Variants in TENM3 observed in about 807,000 individuals in gnomAD.
TENM3 encodes teneurin transmembrane protein 3.
A neutral mutation model predicts 255.1 loss-of-function variants in TENM3; 63 were observed. That is an observed-to-expected ratio of 0.25 (90% CI 0.20 to 0.30). The LOEUF (loss-of-function observed/expected upper bound fraction) is 0.30. Ranked by LOEUF, TENM3 falls within the 10% of genes least tolerant of loss-of-function variation. The pLI is 1.00. For synonymous variants in TENM3, 1,306 were observed against 1,322.3 expected, an observed-to-expected ratio of 0.99 and a Z score of 0.27; for missense variants, 2,929 against 3,461.1, an observed-to-expected ratio of 0.85 and a Z score of 3.86.
At chr4:181,923,812 T>A in the TENM3 span, among the ~76,000 whole-genome samples, 3 of 152,156 alleles carry the variant, frequency 2.0e-5, no homozygotes, top group Admixed American at 6.6e-5. Flanking sequence ...TTGTGTCATT[T>A]TAAATAATTT....
the TENM3 span, among the ~76,000 whole-genome samples, chr4:181,870,867 A>G: frequency 2.6e-5 from 4 of 152,214 alleles, no homozygotes; most frequent in Admixed American, 2.6e-4. Context: ...TCTCTAAAAA[A>G]TATTTGCCAA....
At chr4:182,313,460 A>T (rs967844142) in intron 1 of TENM3, among the ~76,000 whole-genome samples, 2 of 152,058 alleles carry the variant, frequency 1.3e-5, no homozygotes, top group African/African-American at 4.8e-5. Flanking sequence ...TGTTCATAAT[A>T]TATTAAGTAA....
chr4:182,003,167 G>A, the TENM3 span, among the ~76,000 whole-genome samples: 10 of 152,202 alleles, frequency 6.6e-5, no homozygotes, highest in East Asian at 1.9e-3. Context: ...TGATGACTAA[G>A]TACCCACATT....
At chr4:181,734,926 A>G in the TENM3 span, among the ~76,000 whole-genome samples, 1 of 152,178 alleles carries the variant, frequency 6.6e-6, no homozygotes, top group Non-Finnish European at 1.5e-5. Flanking sequence ...GGAAATATGG[A>G]ATACTTGTTG....
chr4:182,119,503 G>A, the TENM3 span, among the ~76,000 whole-genome samples: 27 of 151,936 alleles, frequency 1.8e-4, no homozygotes, highest in East Asian at 3.9e-4. Context: ...TCTGCTCCAC[G>A]GATACAGAGA....
the TENM3 span, among the ~76,000 whole-genome samples, chr4:181,688,371 G>A: frequency 6.6e-6 from 1 of 151,984 alleles, no homozygotes; most frequent in Non-Finnish European, 1.5e-5. Flanking sequence ...TTTTTTTATA[G>A]CAATAGTAAC....
chr4:181,728,134 G>A, the TENM3 span, among the ~76,000 whole-genome samples: 1 of 152,148 alleles, frequency 6.6e-6, no homozygotes, highest in South Asian at 2.1e-4. Flanking sequence ...TGAAAAGATG[G>A]TGGTGTTCAA....
chr4:181,703,497 T>G, the TENM3 span, among the ~76,000 whole-genome samples: 1 of 152,340 alleles, frequency 6.6e-6, no homozygotes, highest in Non-Finnish European at 1.5e-5. Flanking sequence ...TTTTTGTCTT[T>G]AACGAGGTGC....
intron 3 of TENM3, among the ~76,000 whole-genome samples, chr4:182,587,380 G>A (rs1302541424): frequency 6.6e-6 from 1 of 152,054 alleles, no homozygotes; most frequent in African/African-American, 2.4e-5. Flanking sequence ...CCAACATGGT[G>A]AAACCCCATC....
intron 1 of TENM3, among the ~76,000 whole-genome samples, chr4:182,187,090 A>G (rs1221315591): frequency 6.6e-6 from 1 of 151,906 alleles, no homozygotes; most frequent in Admixed American, 6.6e-5. Context: ...TATTCAAAGC[A>G]TAAAAAGAAA....
the TENM3 span, among the ~76,000 whole-genome samples, chr4:181,812,295 C>G: frequency 6.6e-6 from 1 of 151,940 alleles, no homozygotes; most frequent in East Asian, 1.9e-4. Context: ...TACCTTAGAG[C>G]ATTTGTTGAG....
the TENM3 span, among the ~76,000 whole-genome samples, chr4:181,499,436 A>G: frequency 0.01 from 1,567 of 152,264 alleles, 5 homozygotes; most frequent in Middle Eastern, 0.02. Context: ...ATTCTTAGCA[A>G]CTCCTTGATA....
At chr4:182,365,233 T>C (rs1028589779) in intron 3 of TENM3, among the ~76,000 whole-genome samples, 1 of 152,224 alleles carries the variant, frequency 6.6e-6, no homozygotes, top group African/African-American at 2.4e-5. Context: ...CTGTCCCTTA[T>C]TCTGTGTGGA....
chr4:182,584,282 A>T (rs2056045), intron 3 of TENM3, among the ~76,000 whole-genome samples: 52,534 of 152,040 alleles, frequency 0.35, 10,317 homozygotes, highest in East Asian at 0.57. Context: ...GGGAACTATG[A>T]CAACATGACA....
chr4:181,752,366 A>G, the TENM3 span, among the ~76,000 whole-genome samples: 1 of 152,144 alleles, frequency 6.6e-6, no homozygotes, highest in Non-Finnish European at 1.5e-5. Context: ...CCTGGCCATT[A>G]TGGTAAAACC....
At chr4:181,832,789 A>C in the TENM3 span, among the ~76,000 whole-genome samples, 1 of 152,190 alleles carries the variant, frequency 6.6e-6, no homozygotes, top group Non-Finnish European at 1.5e-5. Flanking sequence ...GATTAGCAGG[A>C]ACGGGGTGGC....
intron 3 of TENM3, among the ~76,000 whole-genome samples, chr4:182,363,066 G>T (rs900575376): frequency 6.6e-6 from 1 of 152,162 alleles, no homozygotes; most frequent in Non-Finnish European, 1.5e-5. Flanking sequence ...CATGTCATCA[G>T]AAGCTTTGGA....
At chr4:181,575,835 T>A in the TENM3 span, among the ~76,000 whole-genome samples, 4 of 152,234 alleles carry the variant, frequency 2.6e-5, no homozygotes, top group African/African-American at 9.6e-5. Context: ...GATGATCTGC[T>A]TATCTTCTCC....
At chr4:181,846,791 A>G in the TENM3 span, among the ~76,000 whole-genome samples, 1 of 152,140 alleles carries the variant, frequency 6.6e-6, no homozygotes, top group African/African-American at 2.4e-5. Context: ...TCTGCCCTAA[A>G]TCGTGCATTT....
Sources: allele counts gnomAD v4.1 joint callset (sites outside exome capture counted in the v4.1 genomes callset), GRCh38; gene constraint gnomAD v4.1.1; transcripts MANE v1.5; gene names NCBI Gene and HGNC (gene_info 2026-07-23, HGNC 2026-07-21).